Variants in SAFB2 observed in about 807,000 individuals in gnomAD.
The protein encoded by SAFB2 is scaffold attachment factor B2.
Under a neutral mutation model 100.6 loss-of-function variants are expected in SAFB2, and 32 were observed. The ratio of observed to expected loss-of-function variants is 0.32; its 90% CI spans 0.24 to 0.43. The LOEUF is 0.43. SAFB2 is among the 20% of genes least tolerant of loss of function. The pLI is 1.00. For missense variants in SAFB2, 1,185 were observed against 1,163.4 expected, an observed-to-expected ratio of 1.02 and a Z score of -0.27; for synonymous variants, 500 against 439.4, an observed-to-expected ratio of 1.14 and a Z score of -1.72.
At chr19:5,590,504 G>A in intron 17 of SAFB2, 96 bp from the exon 18 acceptor site, 1 of 1,379,810 alleles carries the variant, frequency 7.2e-7, no homozygotes, top group Admixed American at 2.7e-5. Context: ...CAGGGTGGCA[G>A]GTGGGGCGGA....
In SAFB2 at chr19:5,604,916, T is replaced by C. The variant is rs768591309; in HGVS notation, c.1317A>G (p.Val439=). The C allele has an allele frequency of 3.1e-6, 5 of 1,613,242 alleles. No homozygotes were observed. In the Admixed American group the frequency reaches 8.3e-5, roughly 27 times the overall value. ...KYGKVVGAKV[V]TNARSPGARC... ...GAGCCCCCGGGCTGCGGGCGTTCGTTACCACTTTGGCCCCGACAACCTTCA... is the reference window on the plus strand; with the variant it reads ...GAGCCCCCGGGCTGCGGGCGTTCGTCACCACTTTGGCCCCGACAACCTTCA... The change falls in exon 10 of 21, where the codon GTA becomes GTG. Residue 439 remains valine, a synonymous_variant. Coordinates refer to ENST00000252542, the MANE Select transcript of SAFB2 (RefSeq NM_014649.3).
At chr19:5,614,954 T>C (rs549691210) in intron 4 of SAFB2, among the ~76,000 whole-genome samples, 1 of 152,354 alleles carries the variant, frequency 6.6e-6, no homozygotes, top group East Asian at 1.9e-4. Flanking sequence ...CTCACCACTA[T>C]AATCCCAGCA....
chr19:5,604,023 G>A (rs1180194222), intron 11 of SAFB2, among the ~76,000 whole-genome samples: 1 of 152,200 alleles, frequency 6.6e-6, no homozygotes, highest in African/African-American at 2.4e-5. Context: ...TTTTCAAAAG[G>A]CTAATCAGTT....
intron 11 of SAFB2, among the ~76,000 whole-genome samples, chr19:5,602,215 C>T (rs1232190263): frequency 1.3e-5 from 2 of 152,084 alleles, no homozygotes; most frequent in Non-Finnish European, 2.9e-5. Flanking sequence ...CGATGGCTCA[C>T]ACCTGTAATC....
chr19:5,591,110 T>G (rs1599225905), intron 17 of SAFB2, among the ~76,000 whole-genome samples: 1 of 152,240 alleles, frequency 6.6e-6, no homozygotes, highest in African/African-American at 2.4e-5. Flanking sequence ...AACCACCATT[T>G]GGGTTCTTGG....
intron 6 of SAFB2, chr19:5,611,901 T>C (rs957004098): frequency 3.5e-6 from 2 of 569,718 alleles, no homozygotes; most frequent in African/African-American, 1.9e-5. Context: ...AATAGTCTTC[T>C]TCGAGTTTTT....
chr19:5,589,604 C>T (rs757444), intron 18 of SAFB2, among the ~76,000 whole-genome samples: 7 of 152,114 alleles, frequency 4.6e-5, no homozygotes, highest in South Asian at 2.1e-4. Context: ...CCAGCCCAGA[C>T]GGCAACAGGA....
At chr19:5,611,935 G>C in intron 6 of SAFB2, 1 of 499,474 alleles carries the variant, frequency 2.0e-6, no homozygotes, top group Non-Finnish European at 3.6e-6. Flanking sequence ...TCTTCTGACT[G>C]ATTTTCCAAT....
chr19:5,620,219 A>G (rs775373295), intron 2 of SAFB2, among the ~76,000 whole-genome samples: 8 of 152,348 alleles, frequency 5.3e-5, no homozygotes, highest in South Asian at 4.1e-4. Context: ...AACTACATGC[A>G]CATGTTTTAA....
intron 11 of SAFB2, among the ~76,000 whole-genome samples, chr19:5,604,042 A>G (rs1224104157): frequency 6.6e-6 from 1 of 152,244 alleles, no homozygotes; most frequent in Admixed American, 6.5e-5. Context: ...TTATCAGGAA[A>G]CAAATACATG....
chr19:5,598,550 C>T (rs2052582433), intron 13 of SAFB2: 1 of 533,170 alleles, frequency 1.9e-6, no homozygotes. Flanking sequence ...AACCAATGCT[C>T]TGTCTGAAGG....
intron 4 of SAFB2, among the ~76,000 whole-genome samples, chr19:5,614,592 G>A (rs921965530): frequency 6.6e-6 from 1 of 152,206 alleles, no homozygotes; most frequent in Non-Finnish European, 1.5e-5. Context: ...TAAGGTTTAA[G>A]GTTCAGTCCT....
chr19:5,606,894 T>C (rs1363106877), intron 9 of SAFB2, among the ~76,000 whole-genome samples: 1 of 152,192 alleles, frequency 6.6e-6, no homozygotes. Context: ...AACTTGGATA[T>C]ACAACAAAAA....
At chr19:5,592,638 C>A (rs1445942257) in intron 16 of SAFB2, 109 bp downstream of exon 16, 1 of 1,265,984 alleles carries the variant, frequency 7.9e-7, no homozygotes, top group East Asian at 2.4e-5. Flanking sequence ...CAGAAGTAAA[C>A]GAGGCTTCAG....
rs201915085 is a variant in SAFB2 at position 5,621,403 on chromosome 19, G to A, written c.187-7C>T. ...GCCCCTCTTCTTTAACCGCCTATTA[G>A]GGAGAGATGAGTTTTACAACATCAT... is the stretch of plus-strand genomic sequence containing the variant. On this transcript the variant is annotated splice_polypyrimidine_tract_variant and splice_region_variant and intron_variant, in intron 1 of 20. Coordinates refer to ENST00000252542, the MANE Select transcript of SAFB2 (RefSeq NM_014649.3). The A allele has an allele frequency of 3.6e-4, 566 of 1,585,926 alleles. 1 individual carries two copies. Among genetic ancestry groups the A allele is most frequent in the Non-Finnish European group, 4.6e-4 (533 of 1,154,466 alleles).
At chr19:5,591,404 G>A (rs1429576120) in intron 17 of SAFB2, 5 of 177,404 alleles carry the variant, frequency 2.8e-5, no homozygotes, top group African/African-American at 7.4e-5. Context: ...TCAGCCTCCC[G>A]AGTAGCTGGG....
intron 4 of SAFB2, among the ~76,000 whole-genome samples, chr19:5,614,039 C>T (rs1427852369): frequency 1.3e-5 from 2 of 152,176 alleles, no homozygotes; most frequent in Non-Finnish European, 2.9e-5. Flanking sequence ...TTGCAACCTC[C>T]ACCTCCTGGG....
intron 11 of SAFB2, among the ~76,000 whole-genome samples, chr19:5,602,343 G>A (rs972668412): frequency 6.6e-6 from 1 of 151,820 alleles, no homozygotes; most frequent in African/African-American, 2.4e-5. Flanking sequence ...AGCCGGGCGT[G>A]GTGGTAGGCG....
chr19:5,590,113 G>A (rs1379477674), intron 18 of SAFB2, among the ~76,000 whole-genome samples, 165 bp downstream of exon 18: 2 of 152,196 alleles, frequency 1.3e-5, no homozygotes, highest in Non-Finnish European at 2.9e-5. Flanking sequence ...TTCTTCTTGA[G>A]AACCTGGACT....
Sources: allele counts gnomAD v4.1 joint callset (sites outside exome capture counted in the v4.1 genomes callset), GRCh38; gene constraint gnomAD v4.1.1; transcripts MANE v1.5; gene names NCBI Gene and HGNC (gene_info 2026-07-23, HGNC 2026-07-21).